VIT: variants seen among roughly 807,000 people sequenced by gnomAD.
The protein encoded by VIT is vitrin.
Under a neutral mutation model 78.0 loss-of-function variants are expected in VIT, and 99 were observed. That is an observed-to-expected ratio of 1.27 (90% CI 1.08 to 1.50). The LOEUF (loss-of-function observed/expected upper bound fraction) is 1.50, where lower values mean the gene tolerates loss of function less well. VIT is among the 40% of genes most tolerant of loss of function. The probability of loss-of-function intolerance (pLI) is 0.00; values close to 1 mark genes in which losing one functional copy is unlikely to be tolerated. For synonymous variants in VIT, 374 were observed against 334.3 expected (o/e 1.12, Z -1.29); for missense variants, 1,126 against 875.3 (o/e 1.29, Z -3.61).
At chr2:36,705,728 A>C (rs566019070) in intron 1 of VIT, among the ~76,000 whole-genome samples, 1 of 152,316 alleles carries the variant, frequency 6.6e-6, no homozygotes, top group South Asian at 2.1e-4. Flanking sequence ...AGTACATAGA[A>C]TATTTATGGG....
intron 7 of VIT, among the ~76,000 whole-genome samples, chr2:36,770,736 G>A (rs1669696314): frequency 6.6e-6 from 1 of 152,186 alleles, no homozygotes; most frequent in South Asian, 2.1e-4. Flanking sequence ...TACAGGTCTG[G>A]GTGAATCTAC....
At position 36,755,030 on chromosome 2, in the gene VIT, T is replaced by C; in HGVS notation, c.385T>C (p.Trp129Arg). 1 of 1,614,178 alleles carries C rather than the reference T, an allele frequency of 6.2e-7. No individual in the cohort carries two copies. The highest frequency in any genetic ancestry group is 2.2e-5 in the East Asian group (1 of 44,872). Reference sequence around the variant, plus strand: ...TGTCCAATCGTTATCCCTACCACGATGGAGAGAATCCTTTATCGTCTTAGG... The same window carrying C: ...TGTCCAATCGTTATCCCTACCACGACGGAGAGAATCCTTTATCGTCTTAGG... ...NGVQSLSLPR[W>R]RESFIVLESK... The change falls in exon 5 of 16, where the codon TGG becomes CGG. Residue 129 changes from tryptophan to arginine, a missense_variant. Transcript: ENST00000379242.
chr2:36,810,315 G>C (rs1468431496), intron 15 of VIT, among the ~76,000 whole-genome samples: 1 of 152,258 alleles, frequency 6.6e-6, no homozygotes, highest in East Asian at 1.9e-4. Flanking sequence ...TGTTCAAAGA[G>C]CTATGTCCAC....
At chr2:36,774,492 TC>T (rs1669937515) in intron 8 of VIT, 2 of 985,200 alleles carry the variant, frequency 2.0e-6, no homozygotes, top group African/African-American at 3.5e-5. Flanking sequence ...AGTATACCAT[TC>T]CCTCTGAAGC....
intron 1 of VIT, among the ~76,000 whole-genome samples, chr2:36,706,188 G>A (rs1316421713): frequency 6.6e-6 from 1 of 152,170 alleles, no homozygotes; most frequent in Non-Finnish European, 1.5e-5. Flanking sequence ...CCCAGAGCTT[G>A]GCTTCAGGGT....
intron 7 of VIT, among the ~76,000 whole-genome samples, chr2:36,771,255 C>G (rs1248675908): frequency 6.6e-6 from 1 of 152,170 alleles, no homozygotes; most frequent in Non-Finnish European, 1.5e-5. Context: ...CTTTGCCGGT[C>G]CCGGTGGCTC....
In VIT at chr2:36,808,565, G is replaced by A. The variant is rs758206452; in HGVS notation, c.1483G>A (p.Asp495Asn). 6 of 1,613,976 alleles carry A rather than the reference G, an allele frequency of 3.7e-6. No individual in the cohort carries two copies. Among genetic ancestry groups the A allele is most frequent in the East Asian group, 2.2e-5 (1 of 44,892 alleles). The change falls in exon 15 of 16, where the codon GAC (aspartate) becomes AAC (asparagine). Residue 495 changes from aspartate to asparagine, a missense_variant. By Grantham distance (23) the Asp-to-Asn change is conservative. Transcript: ENST00000379242. The part of the protein sequence containing the change: ...TLQPLVKRVC[D>N]TDRLACSKTC... Reference sequence around the variant, plus strand: ...GCAGCCTCTGGTGAAGCGGGTCTGCGACACTGACCGCCTGGCCTGCAGCAA... The same window carrying A: ...GCAGCCTCTGGTGAAGCGGGTCTGCAACACTGACCGCCTGGCCTGCAGCAA...
chr2:36,810,273 C>T (rs1226509353), intron 15 of VIT, among the ~76,000 whole-genome samples: 1 of 152,150 alleles, frequency 6.6e-6, no homozygotes, highest in African/African-American at 2.4e-5. Context: ...GCCTGGGCAA[C>T]AAGAGCAAAA....
intron 15 of VIT, among the ~76,000 whole-genome samples, chr2:36,811,857 G>A (rs370579327): frequency 2.0e-5 from 3 of 151,772 alleles, no homozygotes; most frequent in African/African-American, 7.3e-5. Context: ...TGTATTTTTA[G>A]TGGAGACGGA....
At chr2:36,703,910 T>G (rs1447728252) in intron 1 of VIT, among the ~76,000 whole-genome samples, 3 of 20,108 alleles carry the variant, frequency 1.5e-4, no homozygotes, top group Non-Finnish European at 4.2e-4. Context: ...TTGTTTGGGG[T>G]TTTTTTTTGT....
intron 7 of VIT, among the ~76,000 whole-genome samples, chr2:36,768,857 G>T (rs1212411751): frequency 6.6e-6 from 1 of 152,148 alleles, no homozygotes; most frequent in Non-Finnish European, 1.5e-5. Flanking sequence ...TATACTGCAT[G>T]TATTATCTTA....
At chr2:36,708,243 CCATT>C in intron 1 of VIT, among the ~76,000 whole-genome samples, 1 of 152,086 alleles carries the variant, frequency 6.6e-6, no homozygotes, top group East Asian at 1.9e-4. Flanking sequence ...TGGCCTCTCC[CCATT>C]CAGAGATGTC....
chr2:36,713,651 T>C (rs1022274949), intron 1 of VIT, among the ~76,000 whole-genome samples: 6 of 152,156 alleles, frequency 3.9e-5, no homozygotes, highest in African/African-American at 1.2e-4. Context: ...ACAGATGGCA[T>C]TGGTAATGCT....
In VIT at chr2:36,776,542, G is replaced by A. The variant is rs181875066; in HGVS notation, c.802+1475G>A. Reference sequence around the variant, plus strand: ...TAGGCCGGGTGCGGTGGTTCACGCCGGTAATCCCAGCACTTTGGGAGGCCA... The same window carrying A: ...TAGGCCGGGTGCGGTGGTTCACGCCAGTAATCCCAGCACTTTGGGAGGCCA... On this transcript the variant is annotated intron_variant, in intron 9 of 15. Coordinates refer to ENST00000379242, the MANE Select transcript of VIT (RefSeq NM_053276.4). Among the ~76,000 whole-genome samples, 49 of 151,910 alleles carry A rather than the reference G, an allele frequency of 3.2e-4. 1 individual carries two copies. In the East Asian group the frequency reaches 7.6e-3, roughly 23 times the overall value.
chr2:36,713,920 T>G (rs1428802671), intron 1 of VIT, among the ~76,000 whole-genome samples: 1 of 152,234 alleles, frequency 6.6e-6, no homozygotes. Context: ...GTTCTGGAGT[T>G]TCTCAAGTTA....
At chr2:36,723,738 A>G (rs1666654347) in intron 2 of VIT, among the ~76,000 whole-genome samples, 1 of 152,120 alleles carries the variant, frequency 6.6e-6, no homozygotes, top group Non-Finnish European at 1.5e-5. Flanking sequence ...TTCAGGCACT[A>G]CTAAAGAAAG....
At chr2:36,797,787 C>T (rs1445190790) in intron 12 of VIT, among the ~76,000 whole-genome samples, 1 of 152,074 alleles carries the variant, frequency 6.6e-6, no homozygotes, top group East Asian at 1.9e-4. Flanking sequence ...CTATGGAACA[C>T]CAAAGTTTAG....
intron 7 of VIT, among the ~76,000 whole-genome samples, chr2:36,772,175 G>A (rs775345413): frequency 4.6e-5 from 7 of 152,100 alleles, no homozygotes; most frequent in African/African-American, 9.7e-5. Flanking sequence ...TTGGGAGGCC[G>A]AGGCAGGAGG....
intron 4 of VIT, among the ~76,000 whole-genome samples, chr2:36,744,723 G>T (rs939944369): frequency 6.6e-6 from 1 of 152,058 alleles, no homozygotes; most frequent in Non-Finnish European, 1.5e-5. Flanking sequence ...TTAGACCTTT[G>T]TTGGATGCAT....
Sources: gnomAD v4.1 joint callset for allele counts (sites outside exome capture counted in the v4.1 genomes callset) on GRCh38, gnomAD v4.1.1 for gene constraint, MANE v1.5 for transcripts, NCBI Gene and HGNC (gene_info 2026-07-23, HGNC 2026-07-21) for gene names.